SPNS3: variants seen among roughly 807,000 people sequenced by gnomAD.
SPNS3 encodes the protein SPNS lysolipid transporter 3, sphingosine-1-phosphate (putative).
In SPNS3, 51 loss-of-function variants were observed where a neutral mutation model predicts 54.4. The ratio of observed to expected loss-of-function variants is 0.94; its 90% CI spans 0.75 to 1.18. The LOEUF (loss-of-function observed/expected upper bound fraction) is 1.18, where lower values mean the gene tolerates loss of function less well. SPNS3 is among the 50% of genes most tolerant of loss of function. The pLI is 0.00. For synonymous variants in SPNS3, 309 were observed against 294.7 expected, an observed-to-expected ratio of 1.05 and a Z score of -0.50; for missense variants, 669 against 677.4, an observed-to-expected ratio of 0.99 and a Z score of 0.14.
chr17:4,449,046 A>T (rs57491051), intron 6 of SPNS3, among the ~76,000 whole-genome samples, 189 bp from the exon 7 acceptor site: 5 of 152,068 alleles, frequency 3.3e-5, no homozygotes, highest in African/African-American at 1.2e-4. Context: ...GGGTAACCTG[A>T]GTGTCTTCTT....
intron 1 of SPNS3, among the ~76,000 whole-genome samples, chr17:4,439,142 A>G (rs1244721717): frequency 1.4e-5 from 2 of 140,582 alleles, no homozygotes; most frequent in Non-Finnish European, 3.2e-5. Context: ...TTTTTTTTTG[A>G]GATGGAGCGT....
At chr17:4,475,167 A>G (rs562725863) in intron 8 of SPNS3, among the ~76,000 whole-genome samples, 30 of 152,218 alleles carry the variant, frequency 2.0e-4, no homozygotes, top group African/African-American at 7.0e-4. Flanking sequence ...TTGGTCTGGA[A>G]TGGCAGAGGC....
rs567348931 is a variant in SPNS3 at position 4,434,809 on chromosome 17, T to C, written c.199+643T>C. ...AGGCATGAGCCACCGTGCCCGGCCT[T>C]TTTTTTTTTTCTTGAGACAGAGTCT... On this transcript the variant is annotated intron_variant, in intron 1 of 11. Coordinates refer to ENST00000355530, the MANE Select transcript of SPNS3 (RefSeq NM_182538.5). 4.4e-3 allele frequency among the ~76,000 whole-genome samples: 564 copies of C among 127,448 alleles called. 6 individuals carry two copies. The highest frequency in any genetic ancestry group is 0.015 in the African/African-American group (518 of 33,546). 83.6% of individuals were successfully genotyped at this position (127,448 alleles called of 152,430 possible).
At chr17:4,474,041 C>G (rs1244606962) in intron 8 of SPNS3, among the ~76,000 whole-genome samples, 2 of 152,246 alleles carry the variant, frequency 1.3e-5, no homozygotes, top group Non-Finnish European at 2.9e-5. Context: ...GGGGCTGAGA[C>G]AGGCCCACTC....
Position 4,434,127 on chromosome 17 carries a change from A to G in SPNS3, c.160A>G (p.Ile54Val). ...CGTGGCTGCCGCCGTCCTCTGCTAC[A>G]TCAACCTCCTGAATTACATGAACTG... Reference protein sequence around the residue: ...AYVAAAVLCYINLLNYMNWFI... With the variant: ...AYVAAAVLCYVNLLNYMNWFI... The change falls in exon 1 of 12, where the codon ATC (isoleucine) becomes GTC (valine). Residue 54 changes from isoleucine (I) to valine (V), a missense_variant. Physicochemically the swap from Ile to Val is conservative, Grantham distance 29. Transcript: ENST00000355530. 1 of 1,612,248 alleles carries G rather than the reference A, an allele frequency of 6.2e-7. No homozygotes were observed. Among genetic ancestry groups the G allele is most frequent in the Middle Eastern group, 1.7e-4 (1 of 6,044 alleles).
chr17:4,435,467 A>AT, intron 1 of SPNS3, among the ~76,000 whole-genome samples: 1 of 149,776 alleles, frequency 6.7e-6, no homozygotes, highest in Non-Finnish European at 1.5e-5. Context: ...AAAATAAAAA[A>AT]TAAATAAATA....
intron 2 of SPNS3, among the ~76,000 whole-genome samples, chr17:4,443,087 T>G (rs892435909): frequency 6.6e-6 from 1 of 152,082 alleles, no homozygotes; most frequent in Non-Finnish European, 1.5e-5. Context: ...GTTTTTTTTT[T>G]TGAGAGAGAC....
At position 4,433,978 on chromosome 17, in the gene SPNS3, G is replaced by A. The variant is rs764202620; in HGVS notation, c.11G>A (p.Gly4Glu). 1 of 1,540,550 alleles carries A rather than the reference G, an allele frequency of 6.5e-7. No individual in the cohort carries two copies. The highest frequency in any genetic ancestry group is 2.4e-5 in the East Asian group (1 of 41,536). Reference sequence around the variant, plus strand: ...GAGCTGCAGGCTGGCATGGCTGGGGGGATGTCAGCGGAGTGCCCTGAGCCT... The same window carrying A: ...GAGCTGCAGGCTGGCATGGCTGGGGAGATGTCAGCGGAGTGCCCTGAGCCT... MAG[G>E]MSAECPEPGP... The change falls in exon 1 of 12, where the codon GGG becomes GAG. Residue 4 changes from glycine (G) to glutamate (E), a missense_variant. Gly to Glu is a moderately conservative substitution (Grantham distance 98). Transcript: ENST00000355530.
chr17:4,461,479 G>T (rs1183620819), intron 8 of SPNS3, among the ~76,000 whole-genome samples: 1 of 146,718 alleles, frequency 6.8e-6, no homozygotes, highest in Admixed American at 7.1e-5. Context: ...GATTATAGGA[G>T]TGAGCCACCC....
At chr17:4,437,237 C>G (rs995746005) in intron 1 of SPNS3, among the ~76,000 whole-genome samples, 8 of 152,046 alleles carry the variant, frequency 5.3e-5, no homozygotes, top group Non-Finnish European at 1.2e-4. Flanking sequence ...CTCTAGAGTA[C>G]CATGGGGCTG....
chr17:4,441,799 T>TGG (rs138017223), intron 2 of SPNS3, among the ~76,000 whole-genome samples: 38 of 128,016 alleles, frequency 3.0e-4, no homozygotes, highest in Middle Eastern at 7.4e-3. Context: ...GGGGGTGTGT[T>TGG]GGGGGGGGTC....
chr17:4,481,886 CT>C (rs56148743), intron 9 of SPNS3: 163 of 73,336 alleles, frequency 2.2e-3, no homozygotes, highest in Admixed American at 2.9e-3. Context: ...CTCTCTCTCT[CT>C]TTTTTTTTTT....
intron 1 of SPNS3, among the ~76,000 whole-genome samples, chr17:4,438,479 T>C (rs1340954922): frequency 2.0e-5 from 3 of 152,184 alleles, no homozygotes; most frequent in South Asian, 2.1e-4. Context: ...GCCGCATGGC[T>C]CACGTGAGCA....
intron 8 of SPNS3, among the ~76,000 whole-genome samples, chr17:4,471,352 C>A (rs1971849385): frequency 6.6e-6 from 1 of 152,222 alleles, no homozygotes; most frequent in Non-Finnish European, 1.5e-5. Flanking sequence ...TGCTTCAACT[C>A]CTAACTGGGT....
intron 2 of SPNS3, among the ~76,000 whole-genome samples, 153 bp downstream of exon 2, chr17:4,439,876 G>A (rs542880882): frequency 6.6e-6 from 1 of 152,334 alleles, no homozygotes; most frequent in African/African-American, 2.4e-5. Flanking sequence ...AGTCTAGGCA[G>A]GAGCAGGAGA....
intron 9 of SPNS3, among the ~76,000 whole-genome samples, chr17:4,480,950 C>T (rs901592283): frequency 6.6e-6 from 1 of 152,248 alleles, no homozygotes; most frequent in Non-Finnish European, 1.5e-5. Context: ...CCCTATAGTT[C>T]GGTTCCTCCA....
intron 1 of SPNS3, 31 bp downstream of exon 1, chr17:4,434,197 C>A (rs757231204): frequency 6.4e-7 from 1 of 1,574,156 alleles, no homozygotes; most frequent in Non-Finnish European, 8.7e-7. Flanking sequence ...CTGGGCAGTA[C>A]CTGCTGCTGT....
intron 7 of SPNS3, among the ~76,000 whole-genome samples, chr17:4,452,616 G>A (rs1437373350): frequency 1.3e-5 from 2 of 152,102 alleles, no homozygotes; most frequent in African/African-American, 2.4e-5. Flanking sequence ...AGTACTGGGA[G>A]CTGGAAAGAG....
intron 4 of SPNS3, 125 bp downstream of exon 4, chr17:4,446,324 C>A (rs1363846858): frequency 6.7e-6 from 7 of 1,050,724 alleles, no homozygotes; most frequent in Non-Finnish European, 2.7e-6. Flanking sequence ...CCCAATGCTA[C>A]CCCTCCCTCA....
Sources: allele counts gnomAD v4.1 joint callset (sites outside exome capture counted in the v4.1 genomes callset), GRCh38; gene constraint gnomAD v4.1.1; transcripts MANE v1.5; gene names NCBI Gene and HGNC (gene_info 2026-07-23, HGNC 2026-07-21).